GXYLT2: variants seen among roughly 807,000 people sequenced by gnomAD.
GXYLT2 encodes glycosyltransferase 8 domain containing 4.
Under a neutral mutation model 45.8 loss-of-function variants are expected in GXYLT2, and 53 were observed. That is an observed-to-expected ratio of 1.16 (90% CI 0.93 to 1.46). The LOEUF (loss-of-function observed/expected upper bound fraction) is 1.46, where lower values mean the gene tolerates loss of function less well. GXYLT2 is among the 40% of genes most tolerant of loss of function. The probability of loss-of-function intolerance (pLI) is 0.00; values close to 1 mark genes in which losing one functional copy is unlikely to be tolerated. For synonymous variants in GXYLT2, 219 were observed against 214.2 expected, an observed-to-expected ratio of 1.02 and a Z score of -0.19; for missense variants, 551 against 544.4, an observed-to-expected ratio of 1.01 and a Z score of -0.12.
intron 2 of GXYLT2, among the ~76,000 whole-genome samples, chr3:72,911,917 T>C (rs1575783989): frequency 6.7e-6 from 1 of 149,232 alleles, no homozygotes; most frequent in South Asian, 2.1e-4. Flanking sequence ...AATAAAAATA[T>C]ATATTATATA....
intron 3 of GXYLT2, among the ~76,000 whole-genome samples, chr3:72,925,752 C>T (rs1348333619): frequency 6.6e-6 from 1 of 151,974 alleles, no homozygotes; most frequent in Non-Finnish European, 1.5e-5. Flanking sequence ...ACTTTATTAC[C>T]ATTATTTAAA....
intron 3 of GXYLT2, among the ~76,000 whole-genome samples, chr3:72,953,669 G>A (rs1459757124): frequency 6.6e-6 from 1 of 152,198 alleles, no homozygotes; most frequent in Non-Finnish European, 1.5e-5. Context: ...CAGCAGATTT[G>A]AGGAGTTGCA....
In GXYLT2 at chr3:72,973,387, G is replaced by A. The variant is rs116787178; in HGVS notation, c.1150-1590G>A. Among the ~76,000 whole-genome samples the A allele has an allele frequency of 3.1e-3, 478 of 152,274 alleles. 2 individuals are homozygous for A. The highest frequency in any genetic ancestry group is 0.02 in the Middle Eastern group (6 of 294). On this transcript the variant is annotated intron_variant, in intron 6 of 6. Transcript: ENST00000389617. ...AATGGCCAGATAAGAGGAGAGAGGAGGAACTGAGAGGGGAGAGTTTCCAGG... is the reference window on the plus strand; with the variant it reads ...AATGGCCAGATAAGAGGAGAGAGGAAGAACTGAGAGGGGAGAGTTTCCAGG...
At chr3:72,912,197 A>G (rs1018521974) in intron 2 of GXYLT2, among the ~76,000 whole-genome samples, 7 of 151,738 alleles carry the variant, frequency 4.6e-5, no homozygotes, top group Admixed American at 2.0e-4. Context: ...TTTAGTAGAG[A>G]CAGGGTTTCG....
intron 3 of GXYLT2, among the ~76,000 whole-genome samples, chr3:72,953,418 T>A (rs1169159992): frequency 6.6e-6 from 1 of 152,050 alleles, no homozygotes; most frequent in Non-Finnish European, 1.5e-5. Context: ...GCTCCCTGAG[T>A]AGCTGGGACT....
chr3:72,909,943 T>C (rs866794829), intron 2 of GXYLT2, among the ~76,000 whole-genome samples: 11 of 152,016 alleles, frequency 7.2e-5, no homozygotes, highest in Middle Eastern at 3.4e-3. Context: ...ATGGAAAATG[T>C]GTTATGTTTG....
chr3:72,914,391 G>A (rs747239272), intron 2 of GXYLT2, among the ~76,000 whole-genome samples: 28 of 152,118 alleles, frequency 1.8e-4, no homozygotes, highest in Non-Finnish European at 3.7e-4. Flanking sequence ...GTTGAGATTC[G>A]GCTAAACTGT....
intron 1 of GXYLT2, among the ~76,000 whole-genome samples, chr3:72,903,893 GAGTT>G (rs1709453661): frequency 2.0e-5 from 3 of 152,116 alleles, no homozygotes; most frequent in African/African-American, 7.2e-5. Flanking sequence ...AAGCAAAAGG[GAGTT>G]TATTGGCTTA....
chr3:72,970,342 C>T (rs1710963926), intron 6 of GXYLT2, among the ~76,000 whole-genome samples: 1 of 151,208 alleles, frequency 6.6e-6, no homozygotes, highest in Non-Finnish European at 1.5e-5. Flanking sequence ...CAGAGCGACA[C>T]TCCATCTCAA....
chr3:72,926,533 T>C (rs1198200405), intron 3 of GXYLT2, among the ~76,000 whole-genome samples: 1 of 152,236 alleles, frequency 6.6e-6, no homozygotes, highest in Non-Finnish European at 1.5e-5. Context: ...CTGGAATACT[T>C]TTATTTTCTT....
intron 5 of GXYLT2, among the ~76,000 whole-genome samples, chr3:72,958,671 G>A (rs1224495614): frequency 1.1e-4 from 14 of 133,294 alleles, no homozygotes; most frequent in African/African-American, 2.0e-4. Flanking sequence ...TGGCTCTGTC[G>A]CCCAGGCTGG....
chr3:72,916,263 A>C (rs574699925), intron 2 of GXYLT2, among the ~76,000 whole-genome samples: 34 of 150,986 alleles, frequency 2.3e-4, no homozygotes, highest in African/African-American at 8.0e-4. Flanking sequence ...AATACTGAGC[A>C]CAGCCCCTTG....
chr3:72,904,669 T>TG (rs1286693427), intron 1 of GXYLT2, among the ~76,000 whole-genome samples: 1 of 151,108 alleles, frequency 6.6e-6, no homozygotes, highest in African/African-American at 2.4e-5. Context: ...TCAAATGGTT[T>TG]GGGGCCACAA....
chr3:72,898,744 T>C (rs13081361), intron 1 of GXYLT2, among the ~76,000 whole-genome samples: 50,780 of 151,204 alleles, frequency 0.34, 8,978 homozygotes, highest in Non-Finnish European at 0.37. Flanking sequence ...CTTTTCTTTT[T>C]TTTTCAGATG....
chr3:72,929,609 A>G (rs1439356436), intron 3 of GXYLT2: 1 of 989,196 alleles, frequency 1.0e-6, no homozygotes, highest in East Asian at 2.4e-5. Context: ...CCTCAGGCTA[A>G]TTTCCCCATA....
chr3:72,962,954 T>TAA (rs11448704), intron 5 of GXYLT2, among the ~76,000 whole-genome samples: 7 of 103,908 alleles, frequency 6.7e-5, no homozygotes, highest in East Asian at 2.1e-4. Flanking sequence ...GATGGGACAT[T>TAA]AAAAAAAAAA....
At chr3:72,952,417 G>T (rs547429919) in intron 3 of GXYLT2, among the ~76,000 whole-genome samples, 61 of 152,232 alleles carry the variant, frequency 4.0e-4, no homozygotes, top group African/African-American at 1.4e-3. Context: ...GATAAATCCT[G>T]TGGCTAATTC....
chr3:72,888,357 GCCCCGCAGCGCCACCCCGCGCCTGT>G lies in GXYLT2; in HGVS notation c.131_155del (p.Gln44ArgfsTer98). The G allele has an allele frequency of 1.0e-6, 1 of 982,614 alleles. No homozygotes were observed. Among genetic ancestry groups the G allele is most frequent in the Non-Finnish European group, 1.2e-6 (1 of 829,816 alleles). The allele number at this position is 982,614 out of a possible 1,614,324, so 60.9% of individuals were successfully genotyped here. A position where few individuals can be genotyped will look rare whatever the true frequency, so the allele number is the denominator to read the frequency against. On this transcript the variant is annotated frameshift_variant, in exon 1 of 7. Transcript: ENST00000389617. LOFTEE classifies it high-confidence loss of function. Reference sequence around the variant, plus strand: ...AGCGCTGCCCGCGCGCCCCGCGTCCGCCCCGCAGCGCCACCCCGCGCCTGTCCCCGCGCGCTGGCCGGGGCCGGGC... The same window carrying G: ...AGCGCTGCCCGCGCGCCCCGCGTCCGCCCCGCGCGCTGGCCGGGGCCGGGC...
intron 3 of GXYLT2, among the ~76,000 whole-genome samples, chr3:72,937,219 G>T (rs1710203376): frequency 2.0e-5 from 3 of 152,056 alleles, no homozygotes; most frequent in Admixed American, 1.3e-4. Context: ...TTTAAAAAAA[G>T]AAATAGAATA....
Sources: gnomAD v4.1 joint callset for allele counts (sites outside exome capture counted in the v4.1 genomes callset) on GRCh38, gnomAD v4.1.1 for gene constraint, MANE v1.5 for transcripts, NCBI Gene and HGNC (gene_info 2026-07-23, HGNC 2026-07-21) for gene names.